The following RALGAPA1 variants were observed in gnomAD, a reference collection of about 807,000 sequenced individuals.
The protein encoded by RALGAPA1 is Ral GTPase activating protein catalytic subunit alpha 1.
RALGAPA1 carries 52 observed loss-of-function variants against 269.6 expected under a neutral mutation model. The observed-to-expected ratio is 0.19, with a 90% confidence interval of 0.15 to 0.24. The LOEUF is 0.24. Among genes scored for constraint, RALGAPA1 ranks in the 10% least tolerant of loss-of-function variants. The pLI, the probability that RALGAPA1 is intolerant of heterozygous loss-of-function variation, is 1.00. For synonymous variants in RALGAPA1, 817 were observed against 1,008.3 expected, an observed-to-expected ratio of 0.81 and a Z score of 3.60; for missense variants, 1,917 against 3,013.9, an observed-to-expected ratio of 0.64 and a Z score of 8.52.
intron 12 of RALGAPA1, among the ~76,000 whole-genome samples, chr14:35,737,687 A>G (rs2071129783): frequency 7.4e-6 from 1 of 134,980 alleles, no homozygotes; most frequent in African/African-American, 2.7e-5. Context: ...TGAACCCAGG[A>G]GGCAGAGGTT....
At chr14:35,734,340 C>T (rs1249758365) in intron 12 of RALGAPA1, among the ~76,000 whole-genome samples, 1 of 152,150 alleles carries the variant, frequency 6.6e-6, no homozygotes, top group Non-Finnish European at 1.5e-5. Context: ...CAGCATGGTA[C>T]TGGTATAAAA....
At chr14:35,654,053 G>A (rs187938705) in intron 30 of RALGAPA1, among the ~76,000 whole-genome samples, 51 of 152,268 alleles carry the variant, frequency 3.3e-4, no homozygotes, top group Admixed American at 1.6e-3. Flanking sequence ...ACCTAGGCTG[G>A]TCTCTAAGTC....
intron 3 of RALGAPA1, among the ~76,000 whole-genome samples, chr14:35,773,311 A>G (rs1251482698): frequency 6.6e-6 from 1 of 152,128 alleles, no homozygotes; most frequent in Non-Finnish European, 1.5e-5. Context: ...TTTCTTTTTC[A>G]TCATCAGTTT....
chr14:35,635,050 T>C (rs974726592), intron 32 of RALGAPA1, among the ~76,000 whole-genome samples: 3 of 151,876 alleles, frequency 2.0e-5, no homozygotes, highest in African/African-American at 7.3e-5. Flanking sequence ...GGGCGCCTGT[T>C]ATCCCAGCTA....
chr14:35,701,868 C>T (rs1166394672), intron 16 of RALGAPA1, among the ~76,000 whole-genome samples: 2 of 151,908 alleles, frequency 1.3e-5, no homozygotes, highest in African/African-American at 2.4e-5. Flanking sequence ...AGGCTGGTGT[C>T]GAACTCCTGT....
intron 36 of RALGAPA1, among the ~76,000 whole-genome samples, chr14:35,601,567 G>T (rs2059290759): frequency 6.6e-6 from 1 of 152,134 alleles, no homozygotes; most frequent in Non-Finnish European, 1.5e-5. Context: ...CTTTGGCTAG[G>T]AAGAGCAGGC....
Position 35,792,944 on chromosome 14 carries a change from G to A in RALGAPA1, c.106+15786C>T, listed in dbSNP as rs559386591. On this transcript the variant is annotated intron_variant, in intron 1 of 41. Transcript: ENST00000680220. ...CTAGTAAGCTGCTGCAAAAGTTCAA[G>A]CAAGAAACAATAAAAATTTAAACTA... Among the ~76,000 whole-genome samples, 16 of 146,772 alleles carry A rather than the reference G, an allele frequency of 1.1e-4. No homozygotes were observed. In the East Asian group the frequency reaches 2.5e-3, roughly 23 times the overall value.
At chr14:35,554,316 GTTC>G (rs950042539) in intron 39 of RALGAPA1, among the ~76,000 whole-genome samples, 1 of 121,984 alleles carries the variant, frequency 8.2e-6, no homozygotes, top group Non-Finnish European at 1.8e-5. Flanking sequence ...CCTTAGGCTT[GTTC>G]TTCTACTAAA....
chr14:35,657,690 T>TATATATATA (rs528310943), intron 28 of RALGAPA1, among the ~76,000 whole-genome samples: 6 of 141,636 alleles, frequency 4.2e-5, no homozygotes, highest in African/African-American at 1.6e-4. Flanking sequence ...TATATATATA[T>TATATATATA]TTTTTTTTTT....
Position 35,725,081 on chromosome 14 carries a change from C to A in RALGAPA1, c.1809G>T (p.Gln603His). ...VLKMPSQAFLQFQGKKNMTLA... is the reference protein window; with the variant it reads ...VLKMPSQAFLHFQGKKNMTLA... The stretch of plus-strand genomic sequence containing the variant: ...AGGTCATATTTTTTTTCCCTTGGAA[C>A]TGTAGAAAAGCTTGTGATGGCATCT... Residue 603 changes from glutamine to histidine, a missense_variant, in exon 14 of 42, where the codon CAG (glutamine) becomes CAT (histidine). Coordinates refer to ENST00000680220, the MANE Select transcript of RALGAPA1 (RefSeq NM_001346249.2). 6.2e-7 allele frequency: 1 copy of A among 1,608,158 alleles called. No individual in the cohort carries two copies. Among genetic ancestry groups the A allele is most frequent in the Non-Finnish European group, 8.5e-7 (1 of 1,177,008 alleles).
At chr14:35,560,728 G>C (rs2056132778) in intron 39 of RALGAPA1, among the ~76,000 whole-genome samples, 1 of 152,132 alleles carries the variant, frequency 6.6e-6, no homozygotes, top group Admixed American at 6.6e-5. Flanking sequence ...CAGTTTAACT[G>C]TAAGTAATTA....
intron 1 of RALGAPA1, among the ~76,000 whole-genome samples, chr14:35,782,682 C>T (rs2075527265): frequency 6.6e-6 from 1 of 151,998 alleles, no homozygotes; most frequent in African/African-American, 2.4e-5. Flanking sequence ...CCATGGCCTC[C>T]CAAAGTGCTG....
chr14:35,706,334 T>C (rs13379146), intron 16 of RALGAPA1, among the ~76,000 whole-genome samples: 17,004 of 152,174 alleles, frequency 0.11, 1,569 homozygotes, highest in East Asian at 0.37. Context: ...TCTAGATTCA[T>C]CTTTTTTTGG....
At chr14:35,629,596 C>T (rs535999483) in intron 33 of RALGAPA1, among the ~76,000 whole-genome samples, 7 of 152,196 alleles carry the variant, frequency 4.6e-5, no homozygotes, top group African/African-American at 7.2e-5. Flanking sequence ...CTCCACCTCC[C>T]GTGTTCAAGC....
At chr14:35,577,460 C>T (rs1201480167) in intron 37 of RALGAPA1, among the ~76,000 whole-genome samples, 1 of 152,126 alleles carries the variant, frequency 6.6e-6, no homozygotes, top group Non-Finnish European at 1.5e-5. Context: ...AGAAGATGGT[C>T]ATCTGTGAAC....
At chr14:35,600,806 G>A (rs2059244584) in intron 36 of RALGAPA1, among the ~76,000 whole-genome samples, 2 of 152,028 alleles carry the variant, frequency 1.3e-5, no homozygotes, top group Non-Finnish European at 1.5e-5. Flanking sequence ...TGTAATCTTG[G>A]TGTGGGCATC....
rs985160063 is a variant in RALGAPA1, at chr14:35,753,239, A to G, written c.664-1077T>C. On this transcript the variant is annotated intron_variant, in intron 7 of 41. Transcript: ENST00000680220. The stretch of plus-strand genomic sequence containing the variant: ...ACTTCCACTAGACAAATTTAGGACA[A>G]CCTGAGCATCAAAATTGGTAACTGT... Among the ~76,000 whole-genome samples, 10 of 152,166 alleles carry G rather than the reference A, an allele frequency of 6.6e-5. 1 individual carries two copies. Among genetic ancestry groups the G allele is most frequent in the African/African-American group, 1.2e-4 (5 of 41,434 alleles).
At chr14:35,785,536 G>A (rs191657204) in intron 1 of RALGAPA1, among the ~76,000 whole-genome samples, 24 of 152,324 alleles carry the variant, frequency 1.6e-4, no homozygotes, top group Middle Eastern at 3.4e-3. Context: ...GAGGATAAAG[G>A]CAGAGGAAGT....
intron 17 of RALGAPA1, among the ~76,000 whole-genome samples, chr14:35,692,401 GATT>G (rs1201714522): frequency 6.6e-6 from 1 of 151,458 alleles, no homozygotes; most frequent in East Asian, 1.9e-4. Flanking sequence ...AGCCAGGAAA[GATT>G]ATTATGATGT....
Sources: allele counts gnomAD v4.1 joint callset (sites outside exome capture counted in the v4.1 genomes callset), GRCh38; gene constraint gnomAD v4.1.1; transcripts MANE v1.5; gene names NCBI Gene and HGNC (gene_info 2026-07-23, HGNC 2026-07-21).